Variants in POFUT1 observed in about 807,000 individuals in gnomAD.
POFUT1 encodes protein O-fucosyltransferase 1.
A neutral mutation model predicts 42.4 loss-of-function variants in POFUT1; 16 were observed. The observed-to-expected ratio is 0.38, with a 90% confidence interval of 0.26 to 0.57. The LOEUF is 0.57. POFUT1 is among the 20% of genes least tolerant of loss of function. The pLI, the probability that POFUT1 is intolerant of heterozygous loss-of-function variation, is 0.71. For synonymous variants in POFUT1, 206 were observed against 205.4 expected (o/e 1.00, Z -0.03); for missense variants, 470 against 504.6 (o/e 0.93, Z 0.66).
Position 32,215,292 on chromosome 20 carries a change from C to T in POFUT1, c.270C>T (p.Tyr90=), listed in dbSNP as rs779212516. ...FTNLHVSYQK[Y]FKLEPLQAYH... ...AGCTCCATGTGTCCTACCAGAAGTA[C>T]TTCAAGCTGGAGCCCCTCCAGGCTT... Residue 90 remains tyrosine (Y), a synonymous_variant, in exon 3 of 7, where the codon TAC becomes TAT. Transcript: ENST00000375749. The T allele has an allele frequency of 6.8e-6, 11 of 1,612,784 alleles. No homozygotes were observed. In the South Asian group the frequency reaches 1.1e-4, roughly 16 times the overall value.
At position 32,234,473 on chromosome 20, in the gene POFUT1, G is replaced by C; in HGVS notation, c.979G>C (p.Val327Leu). 6.2e-7 allele frequency: 1 copy of C among 1,601,932 alleles called. No homozygotes were observed. The highest frequency in any genetic ancestry group is 8.5e-7 in the Non-Finnish European group (1 of 1,173,638). The stretch of plus-strand genomic sequence containing the variant: ...ATATGCTCTGTGCTTCTTCCTGCAG[G>C]TGAAGGTGGTGAGCCTGAAGCCTGA... ...PELQQLFKGK[V>L]KVVSLKPEVA... The change falls in exon 7 of 7, where the codon GTG becomes CTG. Residue 327 changes from valine to leucine, a missense_variant and splice_region_variant. Val to Leu is a conservative substitution (Grantham distance 32, BLOSUM62 1). Coordinates refer to ENST00000375749, the MANE Select transcript of POFUT1 (RefSeq NM_015352.2).
chr20:32,225,038 ATGCTT>A (rs2047407817), intron 4 of POFUT1, among the ~76,000 whole-genome samples: 1 of 152,174 alleles, frequency 6.6e-6, no homozygotes, highest in African/African-American at 2.4e-5. Flanking sequence ...ACTGTTCTAA[ATGCTT>A]TGCTTTGATA....
chr20:32,210,203 C>T lies in POFUT1; in HGVS notation c.246+11C>T. Reference sequence around the variant, plus strand: ...CCTCCTTTCACCAACGTGAGTACTTCCCACTGACCTTGGCCTTTCTCCGCC... The same window carrying T: ...CCTCCTTTCACCAACGTGAGTACTTTCCACTGACCTTGGCCTTTCTCCGCC... On this transcript the variant is annotated intron_variant, in intron 2 of 6. Coordinates refer to ENST00000375749, the MANE Select transcript of POFUT1 (RefSeq NM_015352.2). 1 of 1,614,042 alleles carries T rather than the reference C, an allele frequency of 6.2e-7. No homozygotes were observed. Among genetic ancestry groups the T allele is most frequent in the Admixed American group, 1.7e-5 (1 of 60,024 alleles).
At chr20:32,211,595 A>G (rs2047329342) in intron 2 of POFUT1, among the ~76,000 whole-genome samples, 1 of 152,086 alleles carries the variant, frequency 6.6e-6, no homozygotes. Context: ...CAGTGTAGAC[A>G]TTGCCCATCC....
chr20:32,219,319 C>T (rs1181552289), intron 4 of POFUT1, among the ~76,000 whole-genome samples: 2 of 152,014 alleles, frequency 1.3e-5, no homozygotes, highest in South Asian at 4.1e-4. Context: ...CCAGTTGTGT[C>T]AGAGTTAGAG....
chr20:32,234,469 G>A lies in POFUT1; in HGVS notation c.979-4G>A. 6.3e-7 allele frequency: 1 copy of A among 1,598,074 alleles called. No homozygotes were observed. Among genetic ancestry groups the A allele is most frequent in the Non-Finnish European group, 8.5e-7 (1 of 1,171,594 alleles). The stretch of plus-strand genomic sequence containing the variant: ...GCTTATATGCTCTGTGCTTCTTCCT[G>A]CAGGTGAAGGTGGTGAGCCTGAAGC... On this transcript the variant is annotated splice_polypyrimidine_tract_variant and splice_region_variant and intron_variant, in intron 6 of 6. Transcript: ENST00000375749.
chr20:32,228,533 C>T (rs528626521), intron 5 of POFUT1, 78 bp downstream of exon 5: 69 of 1,250,360 alleles, frequency 5.5e-5, no homozygotes, highest in Non-Finnish European at 6.9e-5. Context: ...GGATCGGCCC[C>T]GCGTCCCAGC....
At chr20:32,220,258 CAT>C (rs1333861095) in intron 4 of POFUT1, among the ~76,000 whole-genome samples, 30 of 152,230 alleles carry the variant, frequency 2.0e-4, no homozygotes, top group Non-Finnish European at 8.8e-5. Context: ...CTTGTGGTCT[CAT>C]GTGGCTGCAG....
intron 4 of POFUT1, among the ~76,000 whole-genome samples, chr20:32,218,597 T>C (rs1340703715): frequency 1.3e-5 from 2 of 152,130 alleles, no homozygotes; most frequent in Non-Finnish European, 2.9e-5. Context: ...TCATTGTTGA[T>C]CCCAGATAGC....
intron 1 of POFUT1, among the ~76,000 whole-genome samples, chr20:32,209,542 A>C (rs1381800958): frequency 6.6e-6 from 1 of 152,218 alleles, no homozygotes; most frequent in Non-Finnish European, 1.5e-5. Flanking sequence ...GATTAAGAAA[A>C]GGAATCACAC....
Position 32,207,903 on chromosome 20 carries a change from C to T in POFUT1, c.-39C>T, listed in dbSNP as rs756261411. 1.6e-5 allele frequency: 25 copies of T among 1,553,480 alleles called. 1 individual carries two copies. The East Asian group carries it at 2.6e-4, about 16-fold the overall frequency. ...GCGCTCGCGTCCCTCCTTCCCTCCC[C>T]GACTGTGCGCCGCGGCTGGCTCGGG... On this transcript the variant is annotated 5_prime_UTR_variant, in exon 1 of 7. Transcript: ENST00000375749.
chr20:32,228,495 T>C, intron 5 of POFUT1, 40 bp downstream of exon 5: 2 of 1,578,340 alleles, frequency 1.3e-6, no homozygotes, highest in Non-Finnish European at 1.7e-6. Flanking sequence ...AACTTGGATG[T>C]GTCCCTGAGC....
chr20:32,228,111 G>A, intron 4 of POFUT1, 152 bp from the exon 5 acceptor site: 1 of 557,224 alleles, frequency 1.8e-6, no homozygotes, highest in Non-Finnish European at 3.1e-6. Flanking sequence ...TCAGCCCGTT[G>A]GTATTTCACA....
At chr20:32,216,838 C>A in intron 4 of POFUT1, 117 bp downstream of exon 4, 3 of 1,391,488 alleles carry the variant, frequency 2.2e-6, no homozygotes, top group Non-Finnish European at 9.9e-7. Flanking sequence ...ACCAAAGGTG[C>A]AGGTGCTCTG....
In POFUT1 at chr20:32,228,452, C is replaced by G; in HGVS notation, c.732C>G (p.Asp244Glu). 7 of 1,613,460 alleles carry G rather than the reference C, an allele frequency of 4.3e-6. No homozygotes were observed. Among genetic ancestry groups the G allele is most frequent in the East Asian group, 2.2e-5 (1 of 44,884 alleles). Residue 244 changes from aspartate to glutamate, a missense_variant, in exon 5 of 7, where the codon GAC (aspartate) becomes GAG (glutamate). Coordinates refer to ENST00000375749, the MANE Select transcript of POFUT1 (RefSeq NM_015352.2). ...GCATTCATCTGCGCATTGGCTCTGA[C>G]TGGGTAACTTCCCCCTTCCTCTCTC... Reference protein sequence around the residue: ...YVGIHLRIGSDWKNACAMLKD... With the variant: ...YVGIHLRIGSEWKNACAMLKD...
intron 2 of POFUT1, among the ~76,000 whole-genome samples, chr20:32,213,082 C>T (rs951328897): frequency 1.3e-5 from 2 of 149,972 alleles, no homozygotes; most frequent in Non-Finnish European, 3.0e-5. Context: ...GATGGGGTTT[C>T]ACCATGTTGT....
At chr20:32,213,387 C>T (rs1368474982) in intron 2 of POFUT1, among the ~76,000 whole-genome samples, 7 of 144,986 alleles carry the variant, frequency 4.8e-5, no homozygotes, top group Admixed American at 3.5e-4. Context: ...ACCCGGGAGG[C>T]GAAGTTTGCA....
intron 2 of POFUT1, among the ~76,000 whole-genome samples, chr20:32,213,706 G>T (rs2047343288): frequency 6.6e-6 from 1 of 152,088 alleles, no homozygotes; most frequent in South Asian, 2.1e-4. Flanking sequence ...GGGAGGGGGA[G>T]GTTGCAGTGA....
In POFUT1 at chr20:32,228,320, C is replaced by T. The variant is rs919433125; in HGVS notation, c.600C>T (p.Pro200=). The change falls in exon 5 of 7, where the codon CCC becomes CCT. Residue 200 remains proline (P), a synonymous_variant. Coordinates refer to ENST00000375749, the MANE Select transcript of POFUT1 (RefSeq NM_015352.2). ...LALPGAPAQF[P]VLEEHRPLQK... ...TGCCAGGAGCCCCAGCCCAGTTCCC[C>T]GTCCTAGAGGAACACAGGCCACTAC... 1.3e-5 allele frequency: 21 copies of T among 1,613,828 alleles called. No individual in the cohort carries two copies. Among genetic ancestry groups the T allele is most frequent in the East Asian group, 2.2e-5 (1 of 44,902 alleles).
Sources: allele counts gnomAD v4.1 joint callset (sites outside exome capture counted in the v4.1 genomes callset), GRCh38; gene constraint gnomAD v4.1.1; transcripts MANE v1.5; gene names NCBI Gene and HGNC (gene_info 2026-07-23, HGNC 2026-07-21).